CLIP4: variants seen among roughly 807,000 people sequenced by gnomAD.
CLIP4 encodes CAP-Gly domain containing linker protein family member 4.
In CLIP4, 47 loss-of-function variants were observed where a neutral mutation model predicts 73.1. That is an observed-to-expected ratio of 0.64 (90% CI 0.51 to 0.82). The LOEUF is 0.82. Among genes scored for constraint, CLIP4 ranks in the 40% least tolerant of loss-of-function variants. The pLI, the probability that CLIP4 is intolerant of heterozygous loss-of-function variation, is 0.00. For synonymous variants in CLIP4, 306 were observed against 295.4 expected, an observed-to-expected ratio of 1.04 and a Z score of -0.37; for missense variants, 874 against 852.9, an observed-to-expected ratio of 1.02 and a Z score of -0.31.
chr2:29,161,385 T>A (rs1049347101), intron 12 of CLIP4, among the ~76,000 whole-genome samples: 2 of 152,124 alleles, frequency 1.3e-5, no homozygotes, highest in African/African-American at 4.8e-5. Flanking sequence ...CATGGTGGCA[T>A]TGCAGCATTT....
intron 13 of CLIP4, 101 bp downstream of exon 13, chr2:29,164,055 C>G (rs1171963506): frequency 1.0e-6 from 1 of 993,146 alleles, no homozygotes; most frequent in Non-Finnish European, 1.5e-6. Context: ...CTGATTGTAG[C>G]TCATGTCTTC....
intron 15 of CLIP4, among the ~76,000 whole-genome samples, chr2:29,180,750 C>A (rs1425071220): frequency 2.0e-5 from 3 of 151,548 alleles, no homozygotes; most frequent in Non-Finnish European, 2.9e-5. Context: ...ATACTAGATT[C>A]TTTTTGCGTT....
intron 8 of CLIP4, among the ~76,000 whole-genome samples, chr2:29,147,613 G>A (rs1203453316): frequency 1.3e-5 from 2 of 151,822 alleles, no homozygotes; most frequent in African/African-American, 4.8e-5. Context: ...TATTTATGGG[G>A]TACAGAATGA....
intron 4 of CLIP4, 63 bp from the exon 5 acceptor site, chr2:29,133,592 G>C: frequency 6.7e-7 from 1 of 1,499,500 alleles, no homozygotes. Flanking sequence ...GAGGCAATTG[G>C]TAGCCATCCA....
At chr2:29,152,453 T>G (rs1666636971) in intron 8 of CLIP4, among the ~76,000 whole-genome samples, 1 of 152,238 alleles carries the variant, frequency 6.6e-6, no homozygotes, top group Admixed American at 6.5e-5. Context: ...GAATTTCACT[T>G]AACACCTGAA....
chr2:29,147,483 A>G (rs1008821398), intron 8 of CLIP4, among the ~76,000 whole-genome samples: 8 of 152,036 alleles, frequency 5.3e-5, no homozygotes, highest in Admixed American at 2.0e-4. Context: ...TATTACTTTT[A>G]TGCTTTGATA....
intron 15 of CLIP4, chr2:29,175,380 G>A (rs919455668): frequency 2.6e-5 from 4 of 152,132 alleles, no homozygotes; most frequent in African/African-American, 7.2e-5. Flanking sequence ...AGTAGCTGAA[G>A]GAGTTTAAGG....
At chr2:29,143,966 C>T in intron 7 of CLIP4, 21 bp downstream of exon 7, 5 of 1,592,960 alleles carry the variant, frequency 3.1e-6, no homozygotes, top group Non-Finnish European at 3.4e-6. Context: ...TAACTGCAAT[C>T]TCTGAAGCCA....
intron 2 of CLIP4, among the ~76,000 whole-genome samples, chr2:29,124,439 G>A (rs13425722): frequency 0.031 from 4,720 of 152,018 alleles, 251 homozygotes; most frequent in African/African-American, 0.11. Flanking sequence ...CTTAGGTATT[G>A]TTTTCTGTAT....
At chr2:29,133,246 A>G (rs1665105988) in intron 4 of CLIP4, among the ~76,000 whole-genome samples, 1 of 152,190 alleles carries the variant, frequency 6.6e-6, no homozygotes. Context: ...ATGAGAAGAC[A>G]TATTAAATAG....
chr2:29,122,495 G>A (rs1007265539), intron 2 of CLIP4, among the ~76,000 whole-genome samples: 3 of 151,844 alleles, frequency 2.0e-5, no homozygotes, highest in Non-Finnish European at 4.4e-5. Flanking sequence ...ATATTGTAGC[G>A]CTTTGGGATG....
chr2:29,175,063 C>T (rs929569322), intron 15 of CLIP4, among the ~76,000 whole-genome samples: 1 of 152,168 alleles, frequency 6.6e-6, no homozygotes, highest in African/African-American at 2.4e-5. Flanking sequence ...ATGAATAATA[C>T]CCTGGGGGAA....
In CLIP4 at chr2:29,102,869, C is replaced by T. The variant is rs535030309; in HGVS notation, c.-16+4922C>T. Among the ~76,000 whole-genome samples the T allele has an allele frequency of 3.1e-4, 47 of 152,268 alleles. No individual in the cohort carries two copies. In the East Asian group the frequency reaches 6.4e-3, roughly 21 times the overall value. On this transcript the variant is annotated intron_variant, in intron 1 of 14. Transcript: ENST00000401605. ...ACGAACTCAAGTGATCTGCCCACCT[C>T]GGCCTCCCAAAGTGCTGGGATTACA...
At chr2:29,105,094 T>C (rs1423171775) in intron 1 of CLIP4, among the ~76,000 whole-genome samples, 1 of 152,216 alleles carries the variant, frequency 6.6e-6, no homozygotes, top group Non-Finnish European at 1.5e-5. Context: ...GTGGGTGTTA[T>C]TGCTAGGCTG....
At chr2:29,164,377 C>T (rs1391248250) in intron 13 of CLIP4, among the ~76,000 whole-genome samples, 1 of 152,154 alleles carries the variant, frequency 6.6e-6, no homozygotes, top group Admixed American at 6.5e-5. Flanking sequence ...GCTTTTTCCT[C>T]TGATTTCTTT....
At position 29,157,257 on chromosome 2, in the gene CLIP4, A is replaced by G; in HGVS notation, c.1309A>G (p.Arg437Gly). The G allele has an allele frequency of 1.9e-6, 3 of 1,614,116 alleles. No homozygotes were observed. The highest frequency in any genetic ancestry group is 2.5e-6 in the Non-Finnish European group (3 of 1,179,984). The change falls in exon 11 of 16, where the codon AGA (arginine) becomes GGA (glycine). Residue 437 changes from arginine to glycine, a missense_variant. By Grantham distance (125) the Arg-to-Gly change is moderately radical. Coordinates refer to ENST00000320081, the MANE Select transcript of CLIP4 (RefSeq NM_024692.6). The stretch of plus-strand genomic sequence containing the variant: ...CTCCTCTACATCTTCTTTGGAACAC[A>G]GACAGAGCTACCCCAAGAAACAGAA... ...SCSSTSSLEH[R>G]QSYPKKQNAI...
upstream of CLIP4, among the ~76,000 whole-genome samples, chr2:29,111,936 C>G (rs1422409620): frequency 6.6e-6 from 1 of 152,174 alleles, no homozygotes; most frequent in Non-Finnish European, 1.5e-5. Flanking sequence ...TGGAGTTCAC[C>G]TTTGTATATG....
At chr2:29,129,460 TACAG>T (rs1235780914) in intron 2 of CLIP4, among the ~76,000 whole-genome samples, 6 of 151,944 alleles carry the variant, frequency 3.9e-5, no homozygotes, top group African/African-American at 1.2e-4. Flanking sequence ...TGTTTGTGTA[TACAG>T]ACAGACACAG....
At chr2:29,176,420 G>T (rs1668348868) in intron 15 of CLIP4, among the ~76,000 whole-genome samples, 1 of 152,238 alleles carries the variant, frequency 6.6e-6, no homozygotes. Context: ...AGTCAGAGAT[G>T]ATGGACATTC....
Sources: gnomAD v4.1 joint callset for allele counts (sites outside exome capture counted in the v4.1 genomes callset) on GRCh38, gnomAD v4.1.1 for gene constraint, MANE v1.5 for transcripts, NCBI Gene and HGNC (gene_info 2026-07-23, HGNC 2026-07-21) for gene names.